TTLL11: variants seen among roughly 807,000 people sequenced by gnomAD.
The protein encoded by TTLL11 is tubulin tyrosine ligase like 11, also known as tubulin polyglutamylase TTLL11.
TTLL11 carries 42 observed loss-of-function variants against 51.7 expected under a neutral mutation model. That is an observed-to-expected ratio of 0.81 (90% CI 0.64 to 1.05). TTLL11 has a LOEUF of 1.05. Among genes scored for constraint, TTLL11 ranks in the 50% least tolerant of loss-of-function variants. TTLL11 has a pLI of 0.00. For synonymous variants in TTLL11, 381 were observed against 383.5 expected (o/e 0.99, Z 0.08); for missense variants, 799 against 940.4 (o/e 0.85, Z 1.97).
chr9:121,941,289 G>A (rs1037082323), intron 6 of TTLL11, among the ~76,000 whole-genome samples: 15 of 152,220 alleles, frequency 9.9e-5, no homozygotes, highest in Non-Finnish European at 1.0e-4. Flanking sequence ...GTGGAGGTGG[G>A]AGCTGCTTTC....
intron 6 of TTLL11, among the ~76,000 whole-genome samples, chr9:121,926,369 T>G (rs1363448686): frequency 2.0e-5 from 3 of 152,236 alleles, no homozygotes; most frequent in Admixed American, 2.0e-4. Flanking sequence ...GACCCAGGCT[T>G]TGTTTAGAAT....
intron 7 of TTLL11, among the ~76,000 whole-genome samples, chr9:121,865,317 G>C (rs147654904): frequency 6.6e-6 from 1 of 152,298 alleles, no homozygotes; most frequent in East Asian, 1.9e-4. Flanking sequence ...AGTGGAAGGG[G>C]AAAGGGGAAA....
rs915061009 is a variant in TTLL11 at position 121,853,931 on chromosome 9, G to A, written c.1840+6406C>T. Among the ~76,000 whole-genome samples, 1 of 152,234 alleles carries A rather than the reference G, an allele frequency of 6.6e-6. No homozygotes were observed. The highest frequency in any genetic ancestry group is 2.4e-5 in the African/African-American group (1 of 41,466). On this transcript the variant is annotated intron_variant, in intron 8 of 8. Coordinates refer to ENST00000321582, the MANE Select transcript of TTLL11 (RefSeq NM_001139442.2). This position sits in a 1 kb window ranked among gnomAD's most constrained non-coding sequence, Gnocchi z 5.6. ...AAGCACTTCCCGAGAAAGTAGTGCA[G>A]TAGGAGCAATGGGATCACACTAGGG... is the stretch of plus-strand genomic sequence containing the variant.
chr9:121,844,775 C>T (rs1212702593), intron 8 of TTLL11, among the ~76,000 whole-genome samples: 1 of 151,712 alleles, frequency 6.6e-6, no homozygotes, highest in Non-Finnish European at 1.5e-5. Context: ...AAGAAAGAAT[C>T]AGTGAGCTTG....
chr9:121,865,667 T>C (rs1447034336), intron 7 of TTLL11, among the ~76,000 whole-genome samples: 1 of 152,052 alleles, frequency 6.6e-6, no homozygotes, highest in African/African-American at 2.4e-5. Context: ...AGATAATGTC[T>C]ATTTCTCGGG....
At position 121,982,235 on chromosome 9, in the gene TTLL11, T is replaced by A. The variant is rs530826971; in HGVS notation, c.1269+6960A>T. On this transcript the variant is annotated intron_variant, in intron 4 of 8. Transcript: ENST00000321582. The stretch of plus-strand genomic sequence containing the variant: ...GACTCACCTTGTTTTTTCCCCTTTT[T>A]CTCAGAGATCACAGTGCTGAGCTAT... Among the ~76,000 whole-genome samples the A allele has an allele frequency of 1.2e-4, 18 of 152,310 alleles. No individual in the cohort carries two copies. The South Asian group carries it at 3.7e-3, about 32-fold the overall frequency.
At chr9:122,005,229 C>A (rs61188133) in intron 3 of TTLL11, among the ~76,000 whole-genome samples, 1 of 152,118 alleles carries the variant, frequency 6.6e-6, no homozygotes, top group East Asian at 1.9e-4. Flanking sequence ...ATTCACTCGG[C>A]GGGGGAGTGG....
Position 121,822,752 on chromosome 9 carries a change from A to T in TTLL11, c.1968T>A (p.Asp656Glu), listed in dbSNP as rs763432013. The T allele has an allele frequency of 6.4e-7, 1 of 1,551,614 alleles. No individual in the cohort carries two copies. The highest frequency in any genetic ancestry group is 1.7e-4 in the Middle Eastern group (1 of 5,976). Reference protein sequence around the residue: ...DLCEYHLSLLDEKRLVCGRGV... With the variant: ...DLCEYHLSLLEEKRLVCGRGV... Reference sequence around the variant, plus strand: ...CCCGGCCACACACCAGGCGTTTTTCATCCAGCAGGGACAGGTGGTACTCGC... The same window carrying T: ...CCCGGCCACACACCAGGCGTTTTTCTTCCAGCAGGGACAGGTGGTACTCGC... Residue 656 changes from aspartate (D) to glutamate (E), a missense_variant, in exon 9 of 9, where the codon GAT (aspartate) becomes GAA (glutamate). Physicochemically the swap from Asp to Glu is conservative, Grantham distance 45. Around this residue, in one of 3 missense-constraint regions of TTLL11, gnomAD observed 165 missense variants for 166.1 expected, o/e 0.99. Coordinates refer to ENST00000321582, the MANE Select transcript of TTLL11 (RefSeq NM_001139442.2). This position sits in a 1 kb window ranked among gnomAD's most constrained non-coding sequence, Gnocchi z 5.8.
intron 6 of TTLL11, among the ~76,000 whole-genome samples, chr9:121,881,462 T>C (rs1008223018): frequency 6.6e-6 from 1 of 152,216 alleles, no homozygotes; most frequent in African/African-American, 2.4e-5. Flanking sequence ...CCAGGTCAGA[T>C]ACTCCCTCTT....
At chr9:121,827,991 C>T (rs969282341) in intron 8 of TTLL11, among the ~76,000 whole-genome samples, 3 of 152,148 alleles carry the variant, frequency 2.0e-5, no homozygotes, top group African/African-American at 7.2e-5. Flanking sequence ...AGAACTGGGG[C>T]TTTCGCCTTC....
intron 1 of TTLL11, among the ~76,000 whole-genome samples, chr9:122,045,070 C>T (rs990299945): frequency 6.6e-6 from 1 of 151,954 alleles, no homozygotes; most frequent in African/African-American, 2.4e-5. Context: ...TGCACCACTG[C>T]TCTCCAGCCT....
chr9:121,891,305 G>A (rs1390001064), intron 6 of TTLL11, among the ~76,000 whole-genome samples: 2 of 152,162 alleles, frequency 1.3e-5, no homozygotes, highest in African/African-American at 2.4e-5. Context: ...AAACAATGGC[G>A]ATGCCACTCC....
In TTLL11 at chr9:122,031,856, C is replaced by T; in HGVS notation, c.560G>A (p.Gly187Asp). 1 of 1,612,528 alleles carries T rather than the reference C, an allele frequency of 6.2e-7. No individual in the cohort carries two copies. Among genetic ancestry groups the T allele is most frequent in the Non-Finnish European group, 8.5e-7 (1 of 1,178,998 alleles). Residue 187 changes from glycine to aspartate, a missense_variant and splice_region_variant, in exon 3 of 9, where the codon GGC becomes GAC. By Grantham distance (94) the Gly-to-Asp change is moderately conservative. This residue lies in a region of TTLL11 where 468 missense variants were observed against 612.8 expected (regional missense o/e 0.76). Coordinates refer to ENST00000321582, the MANE Select transcript of TTLL11 (RefSeq NM_001139442.2). Reference sequence around the variant, plus strand: ...AATTTTACGCACCATCTCCGTCATGCCTGGGGAGAAGAGACGCTGTGAGGT... The same window carrying T: ...AATTTTACGCACCATCTCCGTCATGTCTGGGGAGAAGAGACGCTGTGAGGT... ...IFSGQVNKFP[G>D]MTEMVRKITL...
At chr9:121,988,511 G>C (rs896257787) in intron 4 of TTLL11, among the ~76,000 whole-genome samples, 2 of 151,486 alleles carry the variant, frequency 1.3e-5, no homozygotes, top group African/African-American at 4.9e-5. Flanking sequence ...CACCCCTCTG[G>C]CTTCAGCACA....
intron 6 of TTLL11, among the ~76,000 whole-genome samples, chr9:121,967,539 G>A (rs1842438514): frequency 6.6e-6 from 1 of 152,132 alleles, no homozygotes. Flanking sequence ...GGAGGTTCTT[G>A]AACCAGGGAA....
chr9:122,039,526 G>C (rs940896123), intron 1 of TTLL11, among the ~76,000 whole-genome samples, 158 bp from the exon 2 acceptor site: 1 of 152,170 alleles, frequency 6.6e-6, no homozygotes, highest in Admixed American at 6.5e-5. Flanking sequence ...CCATTTTACA[G>C]ATGAGGAAAC....
At chr9:121,828,980 C>T (rs1211515400) in intron 8 of TTLL11, among the ~76,000 whole-genome samples, 3 of 148,626 alleles carry the variant, frequency 2.0e-5, no homozygotes, top group South Asian at 2.2e-4. Context: ...TTTTTTGAAA[C>T]GGAGTCTCGC....
At chr9:121,839,165 A>G (rs1564266793) in intron 8 of TTLL11, among the ~76,000 whole-genome samples, 2 of 152,282 alleles carry the variant, frequency 1.3e-5, no homozygotes, top group Admixed American at 1.3e-4. Context: ...AACTTATTTC[A>G]CAGAACGCAT....
intron 8 of TTLL11, among the ~76,000 whole-genome samples, chr9:121,849,263 G>T (rs1837599363): frequency 6.6e-6 from 1 of 152,244 alleles, no homozygotes; most frequent in African/African-American, 2.4e-5. Flanking sequence ...AGTCAAAATG[G>T]ATCACAGACC....
Sources: gnomAD v4.1 joint callset for allele counts (sites outside exome capture counted in the v4.1 genomes callset) on GRCh38, gnomAD v4.1.1 for gene constraint, gnomAD v4.1.1 regional missense constraint, Gnocchi (gnomAD v3.1) non-coding constraint, MANE v1.5 for transcripts, NCBI Gene and HGNC (gene_info 2026-07-23, HGNC 2026-07-21) for gene names.